The following CADM2 variants were observed in gnomAD, a reference collection of about 807,000 sequenced individuals.
CADM2 encodes the protein immunoglobulin superfamily member 4D.
A neutral mutation model predicts 49.8 loss-of-function variants in CADM2; 12 were observed. The observed-to-expected ratio is 0.24, with a 90% CI of 0.15 to 0.39. CADM2 has a LOEUF of 0.39. Among genes scored for constraint, CADM2 ranks in the 10% least tolerant of loss-of-function variants. CADM2 has a pLI of 1.00. For synonymous variants in CADM2, 214 were observed against 175.4 expected (o/e 1.22, Z -1.74); for missense variants, 378 against 492.3 (o/e 0.77, Z 2.20).
rs143974713 is a variant in CADM2 at position 85,406,207 on chromosome 3, C to G, written c.62-320315C>G. 2.4e-3 allele frequency among the ~76,000 whole-genome samples: 370 copies of G among 152,156 alleles called. 2 individuals are homozygous for G. Among genetic ancestry groups the G allele is most frequent in the African/African-American group, 8.5e-3 (353 of 41,552 alleles). ...GAAGCATATTTGGATTACATCTTCT[C>G]AATTCCTCTATGAAGTTATTTTACT... is the stretch of plus-strand genomic sequence containing the variant. On this transcript the variant is annotated intron_variant, in intron 1 of 9. Coordinates refer to ENST00000383699, the MANE Select transcript of CADM2 (RefSeq NM_001167675.2).
intron 3 of CADM2, among the ~76,000 whole-genome samples, chr3:85,829,210 A>G (rs1385185585): frequency 6.6e-6 from 1 of 151,934 alleles, no homozygotes; most frequent in African/African-American, 2.4e-5. Context: ...AATAGTAGCC[A>G]TTCAAGATAA....
chr3:85,286,686 A>G (rs531021799), intron 1 of CADM2, among the ~76,000 whole-genome samples: 1 of 152,294 alleles, frequency 6.6e-6, no homozygotes, highest in South Asian at 2.1e-4. Context: ...AAGAACACAC[A>G]TTAAGTATAT....
intron 1 of CADM2, among the ~76,000 whole-genome samples, chr3:85,353,534 A>T (rs2031553613): frequency 2.0e-5 from 3 of 149,036 alleles, no homozygotes; most frequent in Admixed American, 6.7e-5. Flanking sequence ...TCTTTAGTTG[A>T]TGGTTTCTTT....
At chr3:85,738,864 A>T (rs896547799) in intron 2 of CADM2, among the ~76,000 whole-genome samples, 8 of 152,178 alleles carry the variant, frequency 5.3e-5, no homozygotes, top group African/African-American at 1.9e-4. Flanking sequence ...ACTCATTCAC[A>T]TTTAATTATT....
At chr3:85,904,629 T>C (rs555637387) in intron 5 of CADM2, among the ~76,000 whole-genome samples, 1 of 152,326 alleles carries the variant, frequency 6.6e-6, no homozygotes. Context: ...TAAATATGTA[T>C]GTGTGTTTTA....
At chr3:85,480,702 C>A (rs1211651952) in intron 1 of CADM2, among the ~76,000 whole-genome samples, 1 of 151,710 alleles carries the variant, frequency 6.6e-6, no homozygotes, top group East Asian at 1.9e-4. Context: ...CATGACCAAA[C>A]CATTTTGTCT....
intron 3 of CADM2, among the ~76,000 whole-genome samples, chr3:85,854,329 C>T (rs574187011): frequency 6.4e-4 from 98 of 152,244 alleles, no homozygotes; most frequent in African/African-American, 2.3e-3. Context: ...CACATGCACT[C>T]GTATGTTTAC....
intron 3 of CADM2, among the ~76,000 whole-genome samples, chr3:85,856,528 T>C (rs1274833107): frequency 6.6e-6 from 1 of 152,354 alleles, no homozygotes; most frequent in East Asian, 1.9e-4. Context: ...CATCATAGGC[T>C]ATTTAATATT....
intron 1 of CADM2, among the ~76,000 whole-genome samples, chr3:85,673,507 C>A (rs1321520754): frequency 7.2e-6 from 1 of 137,978 alleles, no homozygotes; most frequent in Non-Finnish European, 1.6e-5. Flanking sequence ...AAAAAAAAAA[C>A]CTGCCCAAAA....
chr3:85,803,488 G>GATAGATAA (rs1237170886), intron 3 of CADM2, among the ~76,000 whole-genome samples: 35 of 119,878 alleles, frequency 2.9e-4, no homozygotes, highest in African/African-American at 9.4e-4. Context: ...CAGACAGATA[G>GATAGATAA]ATAGATAGAT....
chr3:85,062,501 G>A (rs2036368920), intron 1 of CADM2, among the ~76,000 whole-genome samples: 1 of 151,696 alleles, frequency 6.6e-6, no homozygotes, highest in African/African-American at 2.4e-5. Context: ...AAGACTTAAA[G>A]GACAGAGCTA....
intron 8 of CADM2, among the ~76,000 whole-genome samples, chr3:86,050,920 G>A (rs751559531): frequency 5.3e-5 from 8 of 152,290 alleles, no homozygotes; most frequent in African/African-American, 1.7e-4. Context: ...GGCCTTTTCC[G>A]TATTGTCTTG....
chr3:85,169,214 G>A (rs755681558), intron 1 of CADM2, among the ~76,000 whole-genome samples: 35 of 151,956 alleles, frequency 2.3e-4, no homozygotes, highest in South Asian at 1.5e-3. Flanking sequence ...GTCTAGTGTC[G>A]AACTCTTGAA....
chr3:85,869,744 T>G (rs1454828378), intron 3 of CADM2, among the ~76,000 whole-genome samples: 1 of 152,132 alleles, frequency 6.6e-6, no homozygotes, highest in Non-Finnish European at 1.5e-5. Flanking sequence ...CGGCAAGCTC[T>G]GCATCCTGGG....
At chr3:85,611,756 A>G (rs1393129167) in intron 1 of CADM2, among the ~76,000 whole-genome samples, 1 of 151,418 alleles carries the variant, frequency 6.6e-6, no homozygotes, top group African/African-American at 2.4e-5. Flanking sequence ...AAGCCGTTGA[A>G]GCACACACAA....
intron 8 of CADM2, among the ~76,000 whole-genome samples, chr3:86,003,878 G>GA (rs1345259354): frequency 2.0e-5 from 3 of 152,120 alleles, no homozygotes; most frequent in Non-Finnish European, 4.4e-5. Context: ...TTACTATGTA[G>GA]AAAAAATTGC....
intron 1 of CADM2, among the ~76,000 whole-genome samples, chr3:85,156,402 C>G (rs1264250510): frequency 6.6e-6 from 1 of 152,108 alleles, no homozygotes; most frequent in Admixed American, 6.5e-5. Context: ...TCGACACATA[C>G]ACTCTCCCAA....
At chr3:85,134,511 G>T (rs2039355925) in intron 1 of CADM2, among the ~76,000 whole-genome samples, 1 of 152,226 alleles carries the variant, frequency 6.6e-6, no homozygotes, top group Non-Finnish European at 1.5e-5. Context: ...TATGCCATGA[G>T]CTATTCATAC....
intron 1 of CADM2, among the ~76,000 whole-genome samples, chr3:85,674,867 G>A (rs2065848219): frequency 6.6e-6 from 1 of 152,052 alleles, no homozygotes. Context: ...AGACACTAAA[G>A]TTTTTCATAT....
Sources: allele counts gnomAD v4.1 joint callset (sites outside exome capture counted in the v4.1 genomes callset), GRCh38; gene constraint gnomAD v4.1.1; transcripts MANE v1.5; gene names NCBI Gene and HGNC (gene_info 2026-07-23, HGNC 2026-07-21).